The following GRXCR1 variants were observed in gnomAD, a reference collection of about 807,000 sequenced individuals.
GRXCR1 encodes glutaredoxin and cysteine rich domain containing 1, also known as glutaredoxin domain-containing cysteine-rich protein 1.
A neutral mutation model predicts 27.3 loss-of-function variants in GRXCR1; 27 were observed. That is an observed-to-expected ratio of 0.99 (90% CI 0.73 to 1.37). The LOEUF is 1.37. Ranked by LOEUF, GRXCR1 falls within the 40% of genes most tolerant of loss-of-function variation. The pLI, the probability that GRXCR1 is intolerant of heterozygous loss-of-function variation, is 0.00. For synonymous variants in GRXCR1, 122 were observed against 131.1 expected, an observed-to-expected ratio of 0.93 and a Z score of 0.47; for missense variants, 379 against 354.4, an observed-to-expected ratio of 1.07 and a Z score of -0.56.
At chr4:42,960,958 G>A (rs1373185066) in intron 1 of GRXCR1, among the ~76,000 whole-genome samples, 1 of 151,778 alleles carries the variant, frequency 6.6e-6, no homozygotes, top group Non-Finnish European at 1.5e-5. Context: ...TAGGTATTAA[G>A]CCTCGCATGC....
At chr4:42,982,192 C>T (rs1481612276) in intron 2 of GRXCR1, among the ~76,000 whole-genome samples, 1 of 151,654 alleles carries the variant, frequency 6.6e-6, no homozygotes, top group East Asian at 1.9e-4. Context: ...TCTCCTGATG[C>T]TATCCCTCCC....
At chr4:42,977,689 T>C (rs1335827860) in intron 2 of GRXCR1, among the ~76,000 whole-genome samples, 1 of 152,076 alleles carries the variant, frequency 6.6e-6, no homozygotes, top group Non-Finnish European at 1.5e-5. Context: ...GGGTTCCTTG[T>C]ATATTCTGGA....
chr4:42,898,489 G>A (rs1317982789), intron 1 of GRXCR1, among the ~76,000 whole-genome samples: 2 of 151,940 alleles, frequency 1.3e-5, no homozygotes, highest in African/African-American at 4.8e-5. Flanking sequence ...TATTTATTAT[G>A]CATCTCTGGT....
At chr4:43,002,947 G>A (rs962108587) in intron 2 of GRXCR1, among the ~76,000 whole-genome samples, 10 of 152,174 alleles carry the variant, frequency 6.6e-5, no homozygotes, top group Non-Finnish European at 1.5e-4. Flanking sequence ...TGGATCATGA[G>A]GAGAGTTTTC....
intron 1 of GRXCR1, among the ~76,000 whole-genome samples, chr4:42,922,849 A>T (rs537009532): frequency 6.6e-6 from 1 of 152,192 alleles, no homozygotes; most frequent in East Asian, 1.9e-4. Context: ...TGGTGCCAGC[A>T]AGATGCCTCT....
intron 1 of GRXCR1, among the ~76,000 whole-genome samples, chr4:42,932,624 A>AT (rs1560654378): frequency 7.7e-5 from 2 of 25,864 alleles, no homozygotes; most frequent in East Asian, 2.9e-3. Flanking sequence ...ATATATAGAG[A>AT]GAGAGAGAGA....
At chr4:42,896,840 T>A (rs1746357122) in intron 1 of GRXCR1, among the ~76,000 whole-genome samples, 1 of 152,084 alleles carries the variant, frequency 6.6e-6, no homozygotes, top group Non-Finnish European at 1.5e-5. Context: ...TTTGATCAGG[T>A]TAGATTATCA....
At chr4:43,013,395 T>A (rs2109803664) in intron 2 of GRXCR1, among the ~76,000 whole-genome samples, 1 of 152,226 alleles carries the variant, frequency 6.6e-6, no homozygotes, top group Non-Finnish European at 1.5e-5. Context: ...AAATCAAATA[T>A]TGCATGTTCT....
chr4:42,989,989 G>C (rs757303514), intron 2 of GRXCR1, among the ~76,000 whole-genome samples: 8 of 151,532 alleles, frequency 5.3e-5, no homozygotes, highest in Non-Finnish European at 8.8e-5. Context: ...TTTAATAATT[G>C]AAGAAAGTTG....
intron 2 of GRXCR1, among the ~76,000 whole-genome samples, chr4:43,003,403 G>C (rs961368809): frequency 1.3e-5 from 2 of 152,188 alleles, no homozygotes; most frequent in African/African-American, 4.8e-5. Flanking sequence ...TGAAAACATG[G>C]AAGCAACTTT....
intron 1 of GRXCR1, among the ~76,000 whole-genome samples, chr4:42,949,874 C>T (rs930709188): frequency 6.6e-6 from 1 of 152,218 alleles, no homozygotes; most frequent in East Asian, 1.9e-4. Flanking sequence ...GGCTTTCTTG[C>T]CCTCAGTTCT....
chr4:42,969,349 T>C (rs1748326403), intron 2 of GRXCR1, among the ~76,000 whole-genome samples: 3 of 152,160 alleles, frequency 2.0e-5, no homozygotes, highest in Admixed American at 2.0e-4. Flanking sequence ...TATAAAGAAC[T>C]ACCTGAGACT....
At chr4:43,013,603 C>G (rs531784996) in intron 2 of GRXCR1, among the ~76,000 whole-genome samples, 1 of 152,100 alleles carries the variant, frequency 6.6e-6, no homozygotes, top group Non-Finnish European at 1.5e-5. Context: ...AGGTAACAAA[C>G]CTGCACATGT....
At chr4:42,943,788 T>A (rs1451391972) in intron 1 of GRXCR1, among the ~76,000 whole-genome samples, 1 of 152,036 alleles carries the variant, frequency 6.6e-6, no homozygotes, top group Non-Finnish European at 1.5e-5. Context: ...AAATTTGCCT[T>A]TTAGAAGACA....
rs564248069 is a variant in GRXCR1, at chr4:42,903,412, T to C, written c.384+9762T>C. 2.1e-4 allele frequency among the ~76,000 whole-genome samples: 29 copies of C among 139,880 alleles called. 3 individuals carry two copies. The highest frequency in any genetic ancestry group is 1.9e-3 in the East Asian group (7 of 3,684). 91.8% of individuals were successfully genotyped at this position (139,880 alleles called of 152,430 possible). ...CTGCAAGCTCTGCCTCCTGGGTTCATGCCATTCTCCTGCCTCAGCCTCCCA... is the reference window on the plus strand; with the variant it reads ...CTGCAAGCTCTGCCTCCTGGGTTCACGCCATTCTCCTGCCTCAGCCTCCCA... On this transcript the variant is annotated intron_variant, in intron 1 of 3. Transcript: ENST00000399770.
chr4:42,967,591 A>G (rs1434128177), intron 2 of GRXCR1, among the ~76,000 whole-genome samples: 2 of 151,982 alleles, frequency 1.3e-5, no homozygotes, highest in Non-Finnish European at 2.9e-5. Flanking sequence ...ATTTCAATTG[A>G]TTGATATTTT....
rs1713399272 is a variant in GRXCR1 at position 43,030,645 on chromosome 4, T to G, written c.*105T>G. The G allele has an allele frequency of 2.2e-6, 2 of 908,238 alleles. No individual in the cohort carries two copies. Among genetic ancestry groups the G allele is most frequent in the South Asian group, 3.0e-5 (2 of 67,282 alleles). The allele number at this position is 908,238 out of a possible 1,614,324, so 56.3% of individuals were successfully genotyped here. A position where few individuals can be genotyped will look rare whatever the true frequency, so the allele number is the denominator to read the frequency against. On this transcript the variant is annotated 3_prime_UTR_variant, in exon 4 of 4. Transcript: ENST00000399770. ...TATGTTTATGGATTAATCAATAAAC[T>G]TTGTTTATTATAATTGTCTTTGTGG...
chr4:42,936,479 G>T (rs748863815), intron 1 of GRXCR1, among the ~76,000 whole-genome samples: 2 of 151,934 alleles, frequency 1.3e-5, no homozygotes, highest in South Asian at 4.1e-4. Flanking sequence ...AAATTGCAAA[G>T]ATAGTACAAG....
At position 42,928,117 on chromosome 4, in the gene GRXCR1, C is replaced by T. The variant is rs189231186; in HGVS notation, c.384+34467C>T. 5.9e-5 allele frequency among the ~76,000 whole-genome samples: 9 copies of T among 151,952 alleles called. No homozygotes were observed. The South Asian group carries it at 8.3e-4, about 14-fold the overall frequency. On this transcript the variant is annotated intron_variant, in intron 1 of 3. Coordinates refer to ENST00000399770, the MANE Select transcript of GRXCR1 (RefSeq NM_001080476.3). ...TCCAGAATTCCAGCAGAGAGCAAGC[C>T]GATGGGTAGAGAGTTACAGGCATGT... is the stretch of plus-strand genomic sequence containing the variant.
Sources: allele counts gnomAD v4.1 joint callset (sites outside exome capture counted in the v4.1 genomes callset), GRCh38; gene constraint gnomAD v4.1.1; transcripts MANE v1.5; gene names NCBI Gene and HGNC (gene_info 2026-07-23, HGNC 2026-07-21).